Variants in UPRT observed in about 807,000 individuals in gnomAD.
UPRT encodes RP11-311P8.3.
Under a neutral mutation model 22.6 loss-of-function variants are expected in UPRT, and 5 were observed. The observed-to-expected ratio is 0.22, with a 90% CI of 0.12 to 0.47. UPRT has a LOEUF of 0.47. UPRT is among the 20% of genes least tolerant of loss of function. The pLI is 0.99. For synonymous variants in UPRT, 77 were observed against 87.7 expected, an observed-to-expected ratio of 0.88 and a Z score of 0.68; for missense variants, 181 against 239.9, an observed-to-expected ratio of 0.75 and a Z score of 1.62.
intron 4 of UPRT, among the ~76,000 whole-genome samples, chrX:75,236,785 T>C (rs1192675345): frequency 1.8e-5 from 2 of 112,317 alleles, no homozygotes; most frequent in African/African-American, 6.5e-5. Context: ...TTACACCTTA[T>C]ACAAAAATCA....
chrX:75,159,761 T>A (rs918104974), intron 1 of UPRT, among the ~76,000 whole-genome samples: 1 of 99,554 alleles, frequency 1.0e-5, no homozygotes, highest in Non-Finnish European at 2.0e-5. Context: ...TTTATGATAC[T>A]TGCCTTAAAT....
At chrX:75,296,211 C>A (rs1355131501) in intron 2 of UPRT, 131 bp from the exon 3 acceptor site, 3 of 548,538 alleles carry the variant, frequency 5.5e-6, no homozygotes, top group Non-Finnish European at 8.6e-6. Flanking sequence ...ATAGGGGGCC[C>A]CTTACTGCCT....
intron 4 of UPRT, among the ~76,000 whole-genome samples, chrX:75,210,369 G>A (rs182674851): frequency 3.9e-4 from 43 of 111,203 alleles, no homozygotes; most frequent in African/African-American, 1.1e-3. Flanking sequence ...AAGATTGAGT[G>A]ACATACAGAA....
chrX:75,296,272 G>A, intron 2 of UPRT, 70 bp from the exon 3 acceptor site: 1 of 1,043,217 alleles, frequency 9.6e-7, no homozygotes, highest in Non-Finnish European at 1.3e-6. Context: ...CTACTGTTCA[G>A]CTCCTGAAGC....
At chrX:75,245,071 A>G (rs1474893083) in intron 4 of UPRT, among the ~76,000 whole-genome samples, 1 of 110,808 alleles carries the variant, frequency 9.0e-6, no homozygotes, top group Admixed American at 9.7e-5. Flanking sequence ...AAACTGAACA[A>G]ATCAACAAGC....
intron 4 of UPRT, among the ~76,000 whole-genome samples, chrX:75,234,446 T>A (rs1399902454): frequency 9.0e-6 from 1 of 111,405 alleles, no homozygotes; most frequent in East Asian, 2.8e-4. Flanking sequence ...CTAAGAGACA[T>A]CTACAGAACA....
At chrX:75,158,426 C>T (rs1158583218) in intron 1 of UPRT, among the ~76,000 whole-genome samples, 2 of 112,021 alleles carry the variant, frequency 1.8e-5, no homozygotes, top group Admixed American at 9.5e-5. Context: ...ACTTACAATC[C>T]GCTTTGTCAT....
At chrX:75,262,853 G>C (rs2082573444) in intron 4 of UPRT, among the ~76,000 whole-genome samples, 1 of 111,204 alleles carries the variant, frequency 9.0e-6, no homozygotes, top group Non-Finnish European at 1.9e-5. Context: ...CACAAAAATA[G>C]TGGGAGACTT....
chrX:75,231,596 A>G (rs1196200189), intron 4 of UPRT, among the ~76,000 whole-genome samples: 3 of 111,965 alleles, frequency 2.7e-5, no homozygotes, highest in African/African-American at 9.7e-5. Flanking sequence ...AGAAACTCAA[A>G]GAGCACCCAG....
chrX:75,180,681 G>GTTTTTTTTTTTTCTT (rs2082266200), intron 4 of UPRT, among the ~76,000 whole-genome samples: 1 of 43,895 alleles, frequency 2.3e-5, no homozygotes, highest in Non-Finnish European at 3.8e-5. Context: ...CCTTTTCTCT[G>GTTTTTTTTTTTTCTT]TTTTTTTTTT....
intron 3 of UPRT, among the ~76,000 whole-genome samples, chrX:75,164,615 G>A (rs1231066534): frequency 8.9e-6 from 1 of 111,791 alleles, no homozygotes; most frequent in African/African-American, 3.2e-5. Context: ...CTAGTGCTGG[G>A]GAATTGGAAT....
upstream of UPRT, among the ~76,000 whole-genome samples, chrX:75,272,829 T>C (rs1468147073): frequency 9.0e-6 from 1 of 111,709 alleles, no homozygotes; most frequent in Non-Finnish European, 1.9e-5. Flanking sequence ...ACTGGGTATA[T>C]ACCCAAAGGA....
chrX:75,226,963 T>C (rs1252812073), intron 4 of UPRT, among the ~76,000 whole-genome samples: 1 of 110,598 alleles, frequency 9.0e-6, no homozygotes, highest in African/African-American at 3.3e-5. Flanking sequence ...GCACTTCTGG[T>C]ATGGGAGAAT....
intron 4 of UPRT, among the ~76,000 whole-genome samples, chrX:75,220,087 C>T (rs2082405291): frequency 9.0e-6 from 1 of 110,761 alleles, no homozygotes; most frequent in African/African-American, 3.3e-5. Context: ...TATGTGGGTG[C>T]TCCAGTATTG....
intron 1 of UPRT, among the ~76,000 whole-genome samples, chrX:75,279,881 G>T (rs1313158866): frequency 1.8e-5 from 2 of 110,851 alleles, no homozygotes; most frequent in Middle Eastern, 8.4e-3. Context: ...CCACATACTA[G>T]TGAGAACATA....
intron 4 of UPRT, among the ~76,000 whole-genome samples, chrX:75,188,760 T>C (rs1212811198): frequency 8.9e-6 from 1 of 112,311 alleles, no homozygotes; most frequent in Non-Finnish European, 1.9e-5. Flanking sequence ...AAAAGCGCAG[T>C]ATTCAGGTGG....
chrX:75,299,987 A>G, intron 5 of UPRT, 91 bp downstream of exon 5: 1 of 1,041,712 alleles, frequency 9.6e-7, no homozygotes, highest in East Asian at 3.1e-5. Context: ...AAAAGGCAAA[A>G]AGAGTTTCTA....
intron 4 of UPRT, among the ~76,000 whole-genome samples, chrX:75,178,509 A>C (rs1447714199): frequency 9.0e-6 from 1 of 111,189 alleles, no homozygotes; most frequent in Non-Finnish European, 1.9e-5. Flanking sequence ...GAAGCCGCGG[A>C]CCCTCACGGT....
At position 75,192,351 on chromosome X, in the gene UPRT, T is replaced by A. The variant is rs944461800; in HGVS notation, c.-447+24472T>A. ...ATTGACATGATTTCAGTTTTTTTTT[T>A]AATTTGCTGAGGATTGTTTTATTCC... On this transcript the variant is annotated intron_variant, in intron 4 of 13. Coordinates refer to the UPRT transcript ENST00000652605. Among the ~76,000 whole-genome samples, 6 of 111,235 alleles carry A rather than the reference T, an allele frequency of 5.4e-5. No individual in the cohort carries two copies. In the South Asian group the frequency reaches 2.3e-3, roughly 42 times the overall value.
Sources: gnomAD v4.1 joint callset for allele counts (sites outside exome capture counted in the v4.1 genomes callset) on GRCh38, gnomAD v4.1.1 for gene constraint, MANE v1.5 for transcripts, NCBI Gene and HGNC (gene_info 2026-07-23, HGNC 2026-07-21) for gene names.